NALCN: variants seen among roughly 807,000 people sequenced by gnomAD.
The protein encoded by NALCN is sodium leak channel, non-selective.
NALCN carries 111 observed loss-of-function variants against 225.3 expected under a neutral mutation model. The observed-to-expected ratio is 0.49, with a 90% CI of 0.42 to 0.58. The LOEUF is 0.58. Among genes scored for constraint, NALCN ranks in the 20% least tolerant of loss-of-function variants. The probability of loss-of-function intolerance (pLI) is 0.00; values close to 1 mark genes in which losing one functional copy is unlikely to be tolerated. For synonymous variants in NALCN, 764 were observed against 769.0 expected, an observed-to-expected ratio of 0.99 and a Z score of 0.11; for missense variants, 1,378 against 2,202.4, an observed-to-expected ratio of 0.63 and a Z score of 7.49.
intron 13 of NALCN, among the ~76,000 whole-genome samples, chr13:101,206,608 GT>G (rs2040321578): frequency 6.6e-6 from 1 of 151,290 alleles, no homozygotes; most frequent in African/African-American, 2.4e-5. Flanking sequence ...ATAAAGTAAG[GT>G]TTTATATCTA....
At chr13:101,394,918 C>G (rs908421443) in intron 3 of NALCN, among the ~76,000 whole-genome samples, 1 of 152,198 alleles carries the variant, frequency 6.6e-6, no homozygotes, top group Non-Finnish European at 1.5e-5. Flanking sequence ...CTACTCGAGA[C>G]TTCACACAGT....
At chr13:101,330,929 T>C (rs1259147732) in intron 7 of NALCN, among the ~76,000 whole-genome samples, 2 of 152,228 alleles carry the variant, frequency 1.3e-5, no homozygotes, top group Non-Finnish European at 2.9e-5. Context: ...GCCATGATTG[T>C]GAGGCCTCCC....
chr13:101,388,225 A>T (rs2047048065), intron 3 of NALCN, among the ~76,000 whole-genome samples: 1 of 152,156 alleles, frequency 6.6e-6, no homozygotes, highest in Non-Finnish European at 1.5e-5. Context: ...ATATTTAACT[A>T]AAACGTTAGC....
chr13:101,371,972 AATAAG>A (rs2046552236), intron 6 of NALCN, among the ~76,000 whole-genome samples: 1 of 152,222 alleles, frequency 6.6e-6, no homozygotes, highest in Non-Finnish European at 1.5e-5. Context: ...TCAATTGATT[AATAAG>A]ATAAAAGATG....
At chr13:101,360,677 A>G (rs1690922510) in intron 6 of NALCN, among the ~76,000 whole-genome samples, 1 of 152,222 alleles carries the variant, frequency 6.6e-6, no homozygotes, top group Non-Finnish European at 1.5e-5. Context: ...AAAGTACACC[A>G]GCCCAATTCA....
intron 13 of NALCN, among the ~76,000 whole-genome samples, chr13:101,222,770 A>C (rs936555895): frequency 2.0e-5 from 3 of 152,186 alleles, no homozygotes; most frequent in Non-Finnish European, 4.4e-5. Flanking sequence ...TCCAATGCCT[A>C]AATTTGGAGG....
chr13:101,150,470 G>A (rs1002299932), intron 15 of NALCN, among the ~76,000 whole-genome samples: 8 of 152,118 alleles, frequency 5.3e-5, no homozygotes, highest in African/African-American at 1.2e-4. Context: ...AAACTTTGAC[G>A]TCTTTCCCAA....
At chr13:101,197,373 T>C (rs989715047) in intron 13 of NALCN, among the ~76,000 whole-genome samples, 2 of 152,110 alleles carry the variant, frequency 1.3e-5, no homozygotes, top group African/African-American at 4.8e-5. Context: ...TCGGAGAAAA[T>C]GGCATGAAAT....
chr13:101,334,057 C>A (rs2045278212), intron 7 of NALCN, among the ~76,000 whole-genome samples: 2 of 151,980 alleles, frequency 1.3e-5, no homozygotes, highest in Non-Finnish European at 2.9e-5. Flanking sequence ...CAAGTATATA[C>A]CGAGTTCAAT....
intron 22 of NALCN, among the ~76,000 whole-genome samples, chr13:101,105,425 G>A (rs538748959): frequency 7.4e-4 from 112 of 152,240 alleles, no homozygotes; most frequent in African/African-American, 2.1e-3. Context: ...AGGGAGAGTC[G>A]TTGTTTCTAC....
chr13:101,222,021 C>T (rs1259271519), intron 13 of NALCN, among the ~76,000 whole-genome samples: 1 of 152,128 alleles, frequency 6.6e-6, no homozygotes, highest in African/African-American at 2.4e-5. Flanking sequence ...ATTGCAGGCC[C>T]ATGCTTTAGA....
intron 35 of NALCN, among the ~76,000 whole-genome samples, chr13:101,074,997 A>G (rs2033159289): frequency 6.6e-6 from 1 of 152,298 alleles, no homozygotes; most frequent in South Asian, 2.1e-4. Flanking sequence ...TCAATTCTCT[A>G]TGATAAGGGC....
intron 13 of NALCN, among the ~76,000 whole-genome samples, chr13:101,199,742 T>C (rs1328456988): frequency 6.6e-6 from 1 of 151,940 alleles, no homozygotes; most frequent in Non-Finnish European, 1.5e-5. Flanking sequence ...GGCACATGTA[T>C]ACATATGTAC....
chr13:101,224,290 A>G (rs2041054792), intron 13 of NALCN, among the ~76,000 whole-genome samples: 1 of 152,128 alleles, frequency 6.6e-6, no homozygotes. Context: ...CTTGCTACAG[A>G]CCTTCAGTGG....
At position 101,055,335 on chromosome 13, in the gene NALCN, AC is replaced by A; in HGVS notation, c.5176del (p.Val1726TrpfsTer19). 2 of 1,614,036 alleles carry A rather than the reference AC, an allele frequency of 1.2e-6. No homozygotes were observed. The highest frequency in any genetic ancestry group is 1.7e-6 in the Non-Finnish European group (2 of 1,179,954). On this transcript the variant is annotated frameshift_variant, in exon 44 of 44. Coordinates refer to ENST00000251127, the MANE Select transcript of NALCN (RefSeq NM_052867.4). LOFTEE classifies it high-confidence loss of function. ...VKKWWTRQLT[V>X]ESDESGDDLL... is the part of the protein sequence containing the mutation. Reference sequence around the variant, plus strand: ...GTCATCCCCACTTTCGTCGCTCTCCACAGTCAGCTGCCGGGTCCACCACTTC... The same window carrying A: ...GTCATCCCCACTTTCGTCGCTCTCCAAGTCAGCTGCCGGGTCCACCACTTC...
chr13:101,256,481 G>A (rs1025520802), intron 11 of NALCN, among the ~76,000 whole-genome samples: 4 of 152,264 alleles, frequency 2.6e-5, no homozygotes, highest in African/African-American at 4.8e-5. Context: ...CTAAAAAGTC[G>A]CAGAGCTATC....
intron 7 of NALCN, among the ~76,000 whole-genome samples, chr13:101,344,603 C>T (rs981830436): frequency 2.6e-5 from 4 of 152,116 alleles, no homozygotes; most frequent in East Asian, 1.9e-4. Flanking sequence ...ATATAATATG[C>T]GCAACTTGCA....
At chr13:101,225,367 C>A (rs189330643) in intron 13 of NALCN, among the ~76,000 whole-genome samples, 1 of 152,310 alleles carries the variant, frequency 6.6e-6, no homozygotes, top group East Asian at 1.9e-4. Flanking sequence ...TGGACTAGTT[C>A]CTCCTAATCA....
intron 17 of NALCN, among the ~76,000 whole-genome samples, chr13:101,135,667 T>C (rs2036749389): frequency 6.6e-6 from 1 of 152,204 alleles, no homozygotes; most frequent in African/African-American, 2.4e-5. Context: ...GTGCTGGGAT[T>C]ATGGGTGTAG....
Sources: gnomAD v4.1 joint callset for allele counts (sites outside exome capture counted in the v4.1 genomes callset) on GRCh38, gnomAD v4.1.1 for gene constraint, MANE v1.5 for transcripts, NCBI Gene and HGNC (gene_info 2026-07-23, HGNC 2026-07-21) for gene names.